Variants in PCDH9 observed in about 807,000 individuals in gnomAD.
The protein encoded by PCDH9 is protocadherin 9, also known as protocadherin-9.
PCDH9 carries 24 observed loss-of-function variants against 70.6 expected under a neutral mutation model. That is an observed-to-expected ratio of 0.34 (90% confidence interval 0.25 to 0.48). The LOEUF (loss-of-function observed/expected upper bound fraction) is 0.48, where lower values mean the gene tolerates loss of function less well. Among genes scored for constraint, PCDH9 ranks in the 20% least tolerant of loss-of-function variants. The pLI is 0.99. For missense variants in PCDH9, 1,281 were observed against 1,503.6 expected, an observed-to-expected ratio of 0.85 and a Z score of 2.45; for synonymous variants, 562 against 558.5, an observed-to-expected ratio of 1.01 and a Z score of -0.09.
Position 67,224,351 on chromosome 13 carries a change from C to A in PCDH9, c.3036+1054G>T, listed in dbSNP as rs1399447857. 2.9e-4 allele frequency: 44 copies of A among 152,248 alleles called. 1 individual carries two copies. The highest frequency in any genetic ancestry group is 1.8e-4 in the Non-Finnish European group (12 of 68,018). 9.4% of individuals were successfully genotyped at this position (152,248 alleles called of 1,614,324 possible). The stretch of plus-strand genomic sequence containing the variant: ...TAAAAGGTATCTTTGGCTGTACTAC[C>A]AGCTTGATCCTTCCCTCCCCCTTCT... On this transcript the variant is annotated intron_variant, in intron 2 of 4. Coordinates refer to ENST00000377865, the MANE Select transcript of PCDH9 (RefSeq NM_203487.3).
chr13:66,329,886 T>C (rs1177121450), intron 4 of PCDH9, among the ~76,000 whole-genome samples: 1 of 152,220 alleles, frequency 6.6e-6, no homozygotes, highest in African/African-American at 2.4e-5. Flanking sequence ...GCAAAACAGG[T>C]CTTTCTTATT....
intron 3 of PCDH9, among the ~76,000 whole-genome samples, chr13:66,762,037 A>T (rs1202998801): frequency 6.6e-6 from 1 of 152,048 alleles, no homozygotes. Flanking sequence ...TTTCAACAGT[A>T]AGCTTGTCCA....
intron 4 of PCDH9, chr13:66,306,126 T>C (rs1194988795): frequency 6.6e-6 from 1 of 151,916 alleles, no homozygotes; most frequent in Non-Finnish European, 1.5e-5. Flanking sequence ...TAAAGCATTT[T>C]CAAATGCAGA....
chr13:66,395,679 A>G (rs1957090844), intron 4 of PCDH9, among the ~76,000 whole-genome samples: 1 of 152,138 alleles, frequency 6.6e-6, no homozygotes, highest in South Asian at 2.1e-4. Context: ...CAGAAGTCAT[A>G]TATTAAGAAC....
chr13:67,084,208 T>C (rs1446426831), intron 2 of PCDH9, among the ~76,000 whole-genome samples: 1 of 152,126 alleles, frequency 6.6e-6, no homozygotes, highest in Admixed American at 6.6e-5. Context: ...TGTCTCTGAG[T>C]TGTTTTTCAG....
intron 2 of PCDH9, chr13:67,216,229 T>C (rs7489531): frequency 6.6e-6 from 1 of 151,862 alleles, no homozygotes; most frequent in Non-Finnish European, 1.5e-5. Context: ...TTAATTATTA[T>C]CATGCTTAAA....
At chr13:66,306,735 A>C (rs1294190457) in intron 4 of PCDH9, among the ~76,000 whole-genome samples, 1 of 151,948 alleles carries the variant, frequency 6.6e-6, no homozygotes, top group Non-Finnish European at 1.5e-5. Flanking sequence ...GTTTAAACAC[A>C]TATTCATTAC....
intron 3 of PCDH9, among the ~76,000 whole-genome samples, chr13:66,897,988 A>C (rs1169685245): frequency 5.9e-5 from 9 of 152,074 alleles, no homozygotes; most frequent in African/African-American, 2.2e-4. Context: ...ACAATTCTCC[A>C]GTCCATGATG....
intron 4 of PCDH9, among the ~76,000 whole-genome samples, chr13:66,500,360 A>G (rs929609227): frequency 6.6e-6 from 1 of 152,172 alleles, no homozygotes; most frequent in Non-Finnish European, 1.5e-5. Context: ...CAATAGCCAT[A>G]AAGAAGAATG....
intron 2 of PCDH9, chr13:67,215,838 C>T (rs1469953592): frequency 6.6e-6 from 1 of 152,154 alleles, no homozygotes; most frequent in Non-Finnish European, 1.5e-5. Flanking sequence ...TCACTCTTTT[C>T]AGCACTGTTG....
chr13:66,569,324 G>C (rs187412158), intron 4 of PCDH9, among the ~76,000 whole-genome samples: 47 of 151,868 alleles, frequency 3.1e-4, no homozygotes, highest in African/African-American at 1.1e-3. Context: ...AGCCAAAAGT[G>C]TCATTTTAAA....
chr13:67,021,962 T>A (rs2084683097), intron 2 of PCDH9, among the ~76,000 whole-genome samples: 2 of 152,068 alleles, frequency 1.3e-5, no homozygotes. Context: ...CCACTTGGAT[T>A]TTTAAAATAT....
At chr13:66,401,483 T>A (rs986507800) in intron 4 of PCDH9, among the ~76,000 whole-genome samples, 2 of 152,146 alleles carry the variant, frequency 1.3e-5, no homozygotes, top group African/African-American at 4.8e-5. Flanking sequence ...TGTGAGTCAA[T>A]TAAGCCTCTT....
intron 2 of PCDH9, among the ~76,000 whole-genome samples, chr13:67,011,305 C>A (rs909137386): frequency 6.6e-6 from 1 of 151,802 alleles, no homozygotes; most frequent in South Asian, 2.1e-4. Flanking sequence ...TCTAACAGAA[C>A]AAAAACATTA....
At chr13:66,876,091 G>A (rs2081802253) in intron 3 of PCDH9, among the ~76,000 whole-genome samples, 1 of 152,146 alleles carries the variant, frequency 6.6e-6, no homozygotes, top group Non-Finnish European at 1.5e-5. Flanking sequence ...AATGATAAAT[G>A]TATTGATAAG....
At chr13:66,582,520 C>G (rs769607939) in intron 4 of PCDH9, among the ~76,000 whole-genome samples, 23 of 152,042 alleles carry the variant, frequency 1.5e-4, no homozygotes, top group Non-Finnish European at 3.4e-4. Flanking sequence ...GTAGTCCCAG[C>G]TACTTGAGAG....
At chr13:66,527,350 C>T (rs1254795058) in intron 4 of PCDH9, among the ~76,000 whole-genome samples, 1 of 151,986 alleles carries the variant, frequency 6.6e-6, no homozygotes, top group Non-Finnish European at 1.5e-5. Flanking sequence ...TATCTCACCT[C>T]TCTTTGAATT....
intron 2 of PCDH9, among the ~76,000 whole-genome samples, chr13:66,993,867 T>C (rs377424363): frequency 1.3e-5 from 2 of 152,302 alleles, no homozygotes; most frequent in East Asian, 1.9e-4. Context: ...TGCTGATTGA[T>C]TGATCGATTG....
chr13:66,473,641 T>C (rs1465115819), intron 4 of PCDH9, among the ~76,000 whole-genome samples: 3 of 152,192 alleles, frequency 2.0e-5, no homozygotes, highest in African/African-American at 7.2e-5. Flanking sequence ...GATCACTTTG[T>C]ATGTGTCATT....
Sources: gnomAD v4.1 joint callset for allele counts (sites outside exome capture counted in the v4.1 genomes callset) on GRCh38, gnomAD v4.1.1 for gene constraint, MANE v1.5 for transcripts, NCBI Gene and HGNC (gene_info 2026-07-23, HGNC 2026-07-21) for gene names.